Variants in BAIAP3 observed in about 807,000 individuals in gnomAD.
BAIAP3 encodes the protein BAI1 associated protein 3.
A neutral mutation model predicts 149.7 loss-of-function variants in BAIAP3; 180 were observed. The observed-to-expected ratio is 1.20, with a 90% CI of 1.07 to 1.36. The LOEUF is 1.36. Ranked by LOEUF, BAIAP3 falls within the 40% of genes most tolerant of loss-of-function variation. The pLI is 0.00. For missense variants in BAIAP3, 1,767 were observed against 1,563.4 expected (o/e 1.13, Z -2.20); for synonymous variants, 845 against 670.7 (o/e 1.26, Z -4.02).
At chr16:1,336,465 A>T in intron 1 of BAIAP3, 1 of 909,688 alleles carries the variant, frequency 1.1e-6, no homozygotes, top group Non-Finnish European at 1.3e-6. Flanking sequence ...TCCTGTCCTC[A>T]GCTCTAGGGT....
In BAIAP3 at chr16:1,340,961, G is replaced by C; in HGVS notation, c.448G>C (p.Glu150Gln). 2 of 1,589,192 alleles carry C rather than the reference G, an allele frequency of 1.3e-6. No individual in the cohort carries two copies. The highest frequency in any genetic ancestry group is 1.7e-6 in the Non-Finnish European group (2 of 1,168,376). The change falls in exon 6 of 34, where the codon GAG becomes CAG. Residue 150 changes from glutamate to glutamine, a missense_variant. Glu to Gln is a conservative substitution (Grantham distance 29). Coordinates refer to ENST00000426824, the MANE Select transcript of BAIAP3 (RefSeq NM_001199097.2). ...CCTTGAGGAGCACACTGAGGCCATC[G>C]AGCGAGTGAGGAAGGCCAAGGTGAG... ...TSLEEHTEAI[E>Q]RVRKAKAPTY...
chr16:1,338,746 C>T, intron 2 of BAIAP3, 66 bp downstream of exon 2: 4 of 1,558,640 alleles, frequency 2.6e-6, no homozygotes, highest in South Asian at 1.2e-5. Flanking sequence ...TCACACATGG[C>T]CGCCCCTGCC....
chr16:1,347,512 C>T, intron 29 of BAIAP3, 33 bp from the exon 30 acceptor site: 1 of 1,486,452 alleles, frequency 6.7e-7, no homozygotes, highest in South Asian at 1.2e-5. Context: ...CACCAGCACC[C>T]AGGGGCCCCT....
In BAIAP3 at chr16:1,347,284, T is replaced by C; in HGVS notation, c.2752-14T>C. The C allele has an allele frequency of 2.5e-6, 4 of 1,612,302 alleles. No individual in the cohort carries two copies. Among genetic ancestry groups the C allele is most frequent in the Non-Finnish European group, 3.4e-6 (4 of 1,179,610 alleles). On this transcript the variant is annotated splice_polypyrimidine_tract_variant and intron_variant, in intron 28 of 33. Coordinates refer to ENST00000426824, the MANE Select transcript of BAIAP3 (RefSeq NM_001199097.2). The stretch of plus-strand genomic sequence containing the variant: ...CAGGCTCCCTGACACCTCTGCCTTC[T>C]TTCCCTGCCCCAGGCCCTGGTCAGT...
In BAIAP3 at chr16:1,348,663, G is replaced by A. The variant is rs912986227; in HGVS notation, c.*181G>A. ...TGGCCGTGTCTGTCTGGTGTGTGCTGTGAACCCCTGCACCCAACCCCACAT... is the reference window on the plus strand; with the variant it reads ...TGGCCGTGTCTGTCTGGTGTGTGCTATGAACCCCTGCACCCAACCCCACAT... On this transcript the variant is annotated 3_prime_UTR_variant, in exon 34 of 34. Transcript: ENST00000426824. 7.7e-6 allele frequency: 5 copies of A among 649,508 alleles called. No homozygotes were observed. The African/African-American group carries it at 9.1e-5, about 12-fold the overall frequency. 40.2% of individuals were successfully genotyped at this position (649,508 alleles called of 1,614,324 possible). A position where few individuals can be genotyped will look rare whatever the true frequency, so the allele number is the denominator to read the frequency against.
In BAIAP3 at chr16:1,341,767, G is replaced by A. The variant is rs903344350; in HGVS notation, c.732-55G>A. On this transcript the variant is annotated intron_variant, in intron 8 of 33. Transcript: ENST00000426824. ...TGCTGCTTCTGGACTCCCTGACCCC[G>A]GCCTGGGCAGAGCCTCGCCGGGGAC... 2.8e-5 allele frequency: 45 copies of A among 1,580,558 alleles called. No homozygotes were observed. The South Asian group carries it at 4.3e-4, about 15-fold the overall frequency.
At position 1,348,574 on chromosome 16, in the gene BAIAP3, C is replaced by T; in HGVS notation, c.*92C>T. ...TGTGGCCAGCTTTGTGCAACCAGGG[C>T]CCACGGCGCCCCTCCTGTGCTGTGA... is the stretch of plus-strand genomic sequence containing the variant. On this transcript the variant is annotated 3_prime_UTR_variant, in exon 34 of 34. Coordinates refer to ENST00000426824, the MANE Select transcript of BAIAP3 (RefSeq NM_001199097.2). 1.6e-6 allele frequency: 2 copies of T among 1,230,986 alleles called. No homozygotes were observed. The highest frequency in any genetic ancestry group is 2.3e-6 in the Non-Finnish European group (2 of 865,020). 76.3% of individuals were successfully genotyped at this position (1,230,986 alleles called of 1,614,324 possible). A position where few individuals can be genotyped will look rare whatever the true frequency, so the allele number is the denominator to read the frequency against.
At position 1,344,295 on chromosome 16, in the gene BAIAP3, T is replaced by C. The variant is rs758083375; in HGVS notation, c.1580T>C (p.Met527Thr). The C allele has an allele frequency of 2.1e-5, 34 of 1,613,758 alleles. No homozygotes were observed. Among genetic ancestry groups the C allele is most frequent in the East Asian group, 1.6e-4 (7 of 44,888 alleles). Residue 527 changes from methionine (M) to threonine (T), a missense_variant, in exon 17 of 34, where the codon ATG becomes ACG. Coordinates refer to ENST00000426824, the MANE Select transcript of BAIAP3 (RefSeq NM_001199097.2). The part of the protein sequence containing the change: ...EICPFESELN[M>T]DIAAALKRGN... ...TGCCCCTTCGAGTCGGAGCTGAACATGGACATTGCTGCGGCCCTGAAGGTG... is the reference window on the plus strand; with the variant it reads ...TGCCCCTTCGAGTCGGAGCTGAACACGGACATTGCTGCGGCCCTGAAGGTG...
intron 11 of BAIAP3, 87 bp from the exon 12 acceptor site, chr16:1,342,440 C>T: frequency 7.2e-7 from 1 of 1,396,936 alleles, no homozygotes; most frequent in Non-Finnish European, 9.8e-7. Flanking sequence ...GAAGCCCAGG[C>T]CATGTGGTCT....
At chr16:1,336,161 G>A (rs1407655511) in intron 1 of BAIAP3, 8 of 967,230 alleles carry the variant, frequency 8.3e-6, no homozygotes, top group Non-Finnish European at 9.8e-6. Context: ...ATGCCGCGGC[G>A]GTTGCCCTGG....
chr16:1,347,630 G>A lies in BAIAP3; in HGVS notation c.2904+5G>A, dbSNP rs759296587. On this transcript the variant is annotated splice_donor_5th_base_variant and intron_variant, in intron 30 of 33. Coordinates refer to ENST00000426824, the MANE Select transcript of BAIAP3 (RefSeq NM_001199097.2). ...TACCTGGACAAGCTCAAACAGGTAG[G>A]GAGGCGCCAGGGACAGGGTGCTGCC... 2 of 1,613,034 alleles carry A rather than the reference G, an allele frequency of 1.2e-6. No individual in the cohort carries two copies. The highest frequency in any genetic ancestry group is 8.5e-7 in the Non-Finnish European group (1 of 1,179,980).
At chr16:1,345,399 C>G (rs1227305656) in intron 22 of BAIAP3, 27 bp downstream of exon 22, 2 of 1,595,428 alleles carry the variant, frequency 1.3e-6, no homozygotes, top group Non-Finnish European at 1.7e-6. Flanking sequence ...CCTGAGGACA[C>G]TGGGGCTGGT....
intron 22 of BAIAP3, 113 bp from the exon 23 acceptor site, chr16:1,345,634 C>CCCAGCCTCCCCAG: frequency 1.4e-6 from 1 of 698,658 alleles, no homozygotes; most frequent in Non-Finnish European, 2.1e-6. Context: ...CCCCCACAAC[C>CCCAGCCTCCCCAG]CCAGCCTCCC....
rs1455715286 is a variant in BAIAP3 at position 1,344,707 on chromosome 16, G to A, written c.1757+9G>A. On this transcript the variant is annotated intron_variant, in intron 19 of 33. Transcript: ENST00000426824. Reference sequence around the variant, plus strand: ...GCCAGCCTCTTCCACAGGTGGGCCTGGCCCCTCAGTGCTGTCCTGGGGCTG... The same window carrying A: ...GCCAGCCTCTTCCACAGGTGGGCCTAGCCCCTCAGTGCTGTCCTGGGGCTG... 1.2e-6 allele frequency: 2 copies of A among 1,613,216 alleles called. No homozygotes were observed. Among genetic ancestry groups the A allele is most frequent in the Non-Finnish European group, 1.7e-6 (2 of 1,179,960 alleles).
At position 1,348,019 on chromosome 16, in the gene BAIAP3, T is replaced by A. The variant is rs771509371; in HGVS notation, c.3149+2T>A. 1 of 1,607,578 alleles carries A rather than the reference T, an allele frequency of 6.2e-7. No homozygotes were observed. The highest frequency in any genetic ancestry group is 1.7e-5 in the Admixed American group (1 of 59,994). On this transcript the variant is annotated splice_donor_variant, in intron 32 of 33. Transcript: ENST00000426824. LOFTEE classifies it high-confidence loss of function. ...TGTATACGACGAACTCTTCTACTTGTGAGTGTCCTAAGCCCCAGCCCCAGC... is the reference window on the plus strand; with the variant it reads ...TGTATACGACGAACTCTTCTACTTGAGAGTGTCCTAAGCCCCAGCCCCAGC...
At chr16:1,343,992 T>G (rs892742697) in intron 15 of BAIAP3, 30 bp from the exon 16 acceptor site, 11 of 1,610,718 alleles carry the variant, frequency 6.8e-6, no homozygotes, top group Non-Finnish European at 9.3e-6. Context: ...CGGTCGGGGC[T>G]GCTGGCACTG....
At position 1,349,163 on chromosome 16, in the gene BAIAP3, C is replaced by CTGA. The variant is rs2141625980; in HGVS notation, c.*681_*682insTGA. ...CCGTGGCCACCTGAGACCTGCTCCA[C>CTGA]GACCCTTCCAGGCAGAGCCGAGAGT... On this transcript the variant is annotated 3_prime_UTR_variant, in exon 34 of 34. Coordinates refer to ENST00000426824, the MANE Select transcript of BAIAP3 (RefSeq NM_001199097.2). 3 of 501,230 alleles carry CTGA rather than the reference C, an allele frequency of 6.0e-6. No homozygotes were observed. Among genetic ancestry groups the CTGA allele is most frequent in the African/African-American group, 5.8e-5 (3 of 51,784 alleles). 31.0% of individuals were successfully genotyped at this position (501,230 alleles called of 1,614,324 possible).
chr16:1,347,439 G>T, intron 29 of BAIAP3, 70 bp downstream of exon 29: 2 of 1,594,952 alleles, frequency 1.3e-6, no homozygotes, highest in Non-Finnish European at 1.7e-6. Context: ...GCCCCACACG[G>T]GCTGTGTCCT....
intron 21 of BAIAP3, 67 bp from the exon 22 acceptor site, chr16:1,345,182 T>C: frequency 3.7e-6 from 6 of 1,609,236 alleles, no homozygotes; most frequent in Non-Finnish European, 5.1e-6. Context: ...CCTGGAGCTG[T>C]GAGCCTGGAA....
Sources: gnomAD v4.1 joint callset for allele counts on GRCh38, gnomAD v4.1.1 for gene constraint, MANE v1.5 for transcripts, NCBI Gene and HGNC (gene_info 2026-07-23, HGNC 2026-07-21) for gene names.